Variants in BTD observed in about 807,000 individuals in gnomAD.
BTD encodes the protein biocytinase.
In BTD, 13 loss-of-function variants were observed where a neutral mutation model predicts 17.7. The observed-to-expected ratio is 0.74, with a 90% CI of 0.48 to 1.17. The LOEUF (loss-of-function observed/expected upper bound fraction) is 1.17. Among genes scored for constraint, BTD ranks in the 50% most tolerant of loss-of-function variants. The probability of loss-of-function intolerance (pLI) is 0.00; values close to 1 mark genes in which losing one functional copy is unlikely to be tolerated. For missense variants in BTD, 674 were observed against 650.4 expected (o/e 1.04, Z -0.39); for synonymous variants, 240 against 245.2 (o/e 0.98, Z 0.20).
rs1481578179 is a variant in BTD at position 15,635,596 on chromosome 3, C to T, written c.157C>T (p.Pro53Ser). 6.2e-7 allele frequency: 1 copy of T among 1,614,214 alleles called. No individual in the cohort carries two copies. The highest frequency in any genetic ancestry group is 8.5e-7 in the Non-Finnish European group (1 of 1,180,044). ...GCATCCATCCATCCTGAGTCTGAACCCTCTGGCTCTCATCAGCCGCCAAGA... is the reference window on the plus strand; with the variant it reads ...GCATCCATCCATCCTGAGTCTGAACTCTCTGGCTCTCATCAGCCGCCAAGA... ...YEHPSILSLNPLALISRQEAL... is the reference protein window; with the variant it reads ...YEHPSILSLNSLALISRQEAL... The change falls in exon 2 of 4, where the codon CCT becomes TCT. Residue 53 changes from proline to serine, a missense_variant. Pro to Ser is a moderately conservative substitution (Grantham distance 74). Transcript: ENST00000643237. This position sits in a 1 kb window ranked among gnomAD's most constrained non-coding sequence, Gnocchi z 4.1.
intron 3 of BTD, among the ~76,000 whole-genome samples, chr3:15,691,901 G>A (rs2068850353): frequency 6.6e-6 from 1 of 152,100 alleles, no homozygotes; most frequent in African/African-American, 2.4e-5. Context: ...AGGCTGAGGT[G>A]GAAGGATCAT....
At chr3:15,671,231 C>G (rs2066305062) in intron 3 of BTD, among the ~76,000 whole-genome samples, 1 of 152,238 alleles carries the variant, frequency 6.6e-6, no homozygotes. Flanking sequence ...AGACAACTGA[C>G]CTTAGTCGTA....
At chr3:15,718,069 CTT>C (rs1466595116) in intron 4 of BTD, among the ~76,000 whole-genome samples, 1 of 152,094 alleles carries the variant, frequency 6.6e-6, no homozygotes, top group East Asian at 1.9e-4. Context: ...CAATCAATAA[CTT>C]AATAACACCG....
At chr3:15,610,411 C>CT (rs1334059259) in intron 1 of BTD, among the ~76,000 whole-genome samples, 1 of 152,150 alleles carries the variant, frequency 6.6e-6, no homozygotes, top group Non-Finnish European at 1.5e-5. Flanking sequence ...GGCTCAGACT[C>CT]TAAGTTAAAG....
intron 3 of BTD, among the ~76,000 whole-genome samples, chr3:15,688,661 A>C (rs76360504): frequency 1.3e-5 from 2 of 152,162 alleles, no homozygotes; most frequent in African/African-American, 4.8e-5. Flanking sequence ...AAAGGACTAG[A>C]AAAAAAATCC....
downstream of BTD, among the ~76,000 whole-genome samples, chr3:15,655,683 G>T (rs1191335020): frequency 6.6e-6 from 1 of 152,206 alleles, no homozygotes; most frequent in Non-Finnish European, 1.5e-5. Flanking sequence ...TACATGAGAT[G>T]ATTTCAGCTC....
At chr3:15,691,769 T>C (rs1208346226) in intron 3 of BTD, among the ~76,000 whole-genome samples, 2 of 152,138 alleles carry the variant, frequency 1.3e-5, no homozygotes, top group African/African-American at 2.4e-5. Context: ...ACTAGGTCAA[T>C]GAAAATTATG....
chr3:15,621,708 T>C (rs1009055540), intron 1 of BTD, among the ~76,000 whole-genome samples: 4 of 152,172 alleles, frequency 2.6e-5, no homozygotes, highest in African/African-American at 7.2e-5. Flanking sequence ...CAAGCAATTC[T>C]CCTGCCTCAG....
intron 3 of BTD, among the ~76,000 whole-genome samples, chr3:15,698,565 C>T (rs964925595): frequency 3.9e-5 from 6 of 152,050 alleles, no homozygotes; most frequent in African/African-American, 9.7e-5. Flanking sequence ...AATCAATGTG[C>T]GAAAATCACA....
chr3:15,716,927 A>C (rs531464246), downstream of BTD, among the ~76,000 whole-genome samples: 79 of 152,154 alleles, frequency 5.2e-4, 1 homozygote, highest in African/African-American at 1.8e-3. Flanking sequence ...GTGCCACTGC[A>C]CTCTGGGCTG....
rs773673932 is a variant in BTD at position 15,679,442 on chromosome 3, CA to C, written c.400-30615del. ...GCAATGGTGTATTTCTTAAAACACT[CA>C]AACCAAATCTGATTCATTCTGGCTT... On this transcript the variant is annotated intron_variant, in intron 3 of 3. Transcript: ENST00000672141. 5 of 1,613,518 alleles carry C rather than the reference CA, an allele frequency of 3.1e-6. No individual in the cohort carries two copies. In the East Asian group the frequency reaches 1.1e-4, roughly 36 times the overall value.
chr3:15,645,336 T>C lies in BTD; in HGVS notation c.1420T>C (p.Tyr474His). The C allele has an allele frequency of 1.2e-6, 2 of 1,614,220 alleles. No homozygotes were observed. Among genetic ancestry groups the C allele is most frequent in the Non-Finnish European group, 1.7e-6 (2 of 1,180,032 alleles). Residue 474 changes from tyrosine (Y) to histidine (H), a missense_variant, in exon 4 of 4, where the codon TAT (tyrosine) becomes CAT (histidine). By Grantham distance (83) the Tyr-to-His change is moderately conservative. Coordinates refer to ENST00000643237, the MANE Select transcript of BTD (RefSeq NM_001370658.1). Reference protein sequence around the residue: ...FHLWGNFSTSYIFPLFLTSGM... With the variant: ...FHLWGNFSTSHIFPLFLTSGM... ...CCTGTGGGGCAACTTCAGTACTTCC[T>C]ATATCTTTCCTTTGTTTCTGACCTC...
chr3:15,610,824 GA>G lies in BTD; in HGVS notation c.-17+8931del, dbSNP rs200327663. 3.9e-5 allele frequency among the ~76,000 whole-genome samples: 6 copies of G among 152,058 alleles called. No homozygotes were observed. In the East Asian group the frequency reaches 1.2e-3, roughly 29 times the overall value. ...TTAAAAGATAGGGTATTTTTTAATGGACAAGACTAAACTACAGTGTCTAGGG... is the reference window on the plus strand; with the variant it reads ...TTAAAAGATAGGGTATTTTTTAATGGCAAGACTAAACTACAGTGTCTAGGG... On this transcript the variant is annotated intron_variant, in intron 1 of 3. Transcript: ENST00000643237.
chr3:15,617,469 C>T (rs1198966476), intron 1 of BTD, among the ~76,000 whole-genome samples: 3 of 152,132 alleles, frequency 2.0e-5, no homozygotes, highest in East Asian at 3.8e-4. Flanking sequence ...AGATCTTTAT[C>T]TAGATTTGTT....
Position 15,601,765 on chromosome 3 carries a change from A to G in BTD, c.-146A>G. On this transcript the variant is annotated 5_prime_UTR_variant, in exon 1 of 4. Coordinates refer to ENST00000643237, the MANE Select transcript of BTD (RefSeq NM_001370658.1). ...CTAGCAGGAGATTGCTGCCTATGCA[A>G]AGCAGGTAAGAAGCCGAACTCTGAG... is the stretch of plus-strand genomic sequence containing the variant. 2 of 1,607,624 alleles carry G rather than the reference A, an allele frequency of 1.2e-6. No homozygotes were observed. The highest frequency in any genetic ancestry group is 1.7e-6 in the Non-Finnish European group (2 of 1,176,836).
At position 15,645,693 on chromosome 3, in the gene BTD, A is replaced by G. The variant is rs2065678443; in HGVS notation, c.*205A>G. ...CCTCTTAAACCTCAATCATCGAGAC[A>G]TTAGGGGGTATTTTCTGTTCACATT... On this transcript the variant is annotated 3_prime_UTR_variant, in exon 4 of 4. Coordinates refer to ENST00000643237, the MANE Select transcript of BTD (RefSeq NM_001370658.1). 2 of 583,992 alleles carry G rather than the reference A, an allele frequency of 3.4e-6. No individual in the cohort carries two copies. Among genetic ancestry groups the G allele is most frequent in the Non-Finnish European group, 6.0e-6 (2 of 331,540 alleles). The allele number at this position is 583,992 out of a possible 1,614,324, so 36.2% of individuals were successfully genotyped here. A position where few individuals can be genotyped will look rare whatever the true frequency, so the allele number is the denominator to read the frequency against.
intron 3 of BTD, among the ~76,000 whole-genome samples, chr3:15,693,912 G>A (rs1355271432): frequency 2.0e-5 from 3 of 152,056 alleles, no homozygotes; most frequent in African/African-American, 4.8e-5. Context: ...TAGTACATAT[G>A]AAAAGAAACA....
chr3:15,696,233 G>A, intron 3 of BTD: 2 of 1,576,624 alleles, frequency 1.3e-6, no homozygotes, highest in Non-Finnish European at 1.7e-6. Context: ...TTCTTAATAA[G>A]TATTCCAGGC....
intron 3 of BTD, among the ~76,000 whole-genome samples, chr3:15,696,406 CTAAAG>C: frequency 6.6e-6 from 1 of 152,162 alleles, no homozygotes; most frequent in South Asian, 2.1e-4. Flanking sequence ...ATGACACTGA[CTAAAG>C]TATCATAAAA....
Sources: allele counts gnomAD v4.1 joint callset (sites outside exome capture counted in the v4.1 genomes callset), GRCh38; gene constraint gnomAD v4.1.1; non-coding constraint Gnocchi (gnomAD v3.1); transcripts MANE v1.5; gene names NCBI Gene and HGNC (gene_info 2026-07-23, HGNC 2026-07-21).